The following TXNDC5 variants were observed in gnomAD, a reference collection of about 807,000 sequenced individuals.
TXNDC5 encodes the protein thioredoxin domain containing 5, also known as thioredoxin domain-containing protein 5.
A neutral mutation model predicts 52.6 loss-of-function variants in TXNDC5; 44 were observed. That is an observed-to-expected ratio of 0.84 (90% CI 0.66 to 1.08). The LOEUF is 1.08. Among genes scored for constraint, TXNDC5 ranks in the 50% least tolerant of loss-of-function variants. The pLI is 0.00. For synonymous variants in TXNDC5, 241 were observed against 234.4 expected (o/e 1.03, Z -0.26); for missense variants, 600 against 565.5 (o/e 1.06, Z -0.62).
At chr6:7,897,636 C>G (rs1279080143) in intron 3 of TXNDC5, among the ~76,000 whole-genome samples, 3 of 152,090 alleles carry the variant, frequency 2.0e-5, no homozygotes, top group Non-Finnish European at 2.9e-5. Context: ...ACAGAAAGTC[C>G]CTTGCAGAGC....
chr6:7,910,175 C>T, intron 1 of TXNDC5: 1 of 985,536 alleles, frequency 1.0e-6, no homozygotes, highest in South Asian at 4.6e-5. Flanking sequence ...CGTCAGCCGC[C>T]AGTGCCCGGC....
At chr6:7,894,899 C>T (rs934618467) in intron 4 of TXNDC5, 20 of 985,258 alleles carry the variant, frequency 2.0e-5, no homozygotes, top group African/African-American at 1.6e-4. Context: ...TTAGACTCGG[C>T]GTTTCTATAA....
At chr6:7,885,660 T>C (rs1180197955) in intron 8 of TXNDC5, among the ~76,000 whole-genome samples, 1 of 152,216 alleles carries the variant, frequency 6.6e-6, no homozygotes, top group Non-Finnish European at 1.5e-5. Context: ...AATATGGCCA[T>C]CATAATTTGC....
At chr6:7,884,805 G>C (rs950425405) in intron 8 of TXNDC5, among the ~76,000 whole-genome samples, 8 of 152,222 alleles carry the variant, frequency 5.3e-5, no homozygotes, top group African/African-American at 1.9e-4. Flanking sequence ...AAGCACAGGA[G>C]CAGAGGAACA....
chr6:7,892,554 T>C (rs1000328051), intron 4 of TXNDC5, among the ~76,000 whole-genome samples: 2 of 152,262 alleles, frequency 1.3e-5, no homozygotes, highest in Non-Finnish European at 2.9e-5. Context: ...AAATCTCATC[T>C]TGAATTCCCA....
At chr6:7,889,346 A>C in intron 6 of TXNDC5, 149 bp downstream of exon 6, 2 of 627,892 alleles carry the variant, frequency 3.2e-6, no homozygotes, top group South Asian at 4.8e-5. Flanking sequence ...AATTAAGAGA[A>C]AGACGTTTGT....
chr6:7,889,040 G>A, intron 6 of TXNDC5, 192 bp from the exon 7 acceptor site: 3 of 654,308 alleles, frequency 4.6e-6, no homozygotes, highest in Non-Finnish European at 7.2e-6. Flanking sequence ...TGAGAGAACT[G>A]TACAGGCCCC....
At chr6:7,904,750 A>G (rs951476496) in intron 1 of TXNDC5, 27 bp from the exon 2 acceptor site, 12 of 1,614,048 alleles carry the variant, frequency 7.4e-6, no homozygotes, top group African/African-American at 4.0e-5. Context: ...GTACAAGCAC[A>G]TTGAGTATCA....
intron 1 of TXNDC5, 47 bp downstream of exon 1, chr6:7,910,467 C>G (rs1760881291): frequency 1.5e-6 from 2 of 1,363,248 alleles, no homozygotes; most frequent in Non-Finnish European, 1.9e-6. Flanking sequence ...CCCCACGCCC[C>G]GCGAAGCGCC....
chr6:7,885,174 C>T (rs551634812), intron 8 of TXNDC5, among the ~76,000 whole-genome samples: 2 of 152,236 alleles, frequency 1.3e-5, no homozygotes, highest in African/African-American at 4.8e-5. Context: ...ACTTTTTACC[C>T]CTATGGTTAG....
At chr6:7,884,615 A>C in intron 8 of TXNDC5, 127 bp from the exon 9 acceptor site, 2 of 1,330,100 alleles carry the variant, frequency 1.5e-6, no homozygotes, top group Non-Finnish European at 2.0e-6. Context: ...AATTTGTAAA[A>C]TACCAAATTC....
chr6:7,887,696 A>G (rs1404531235), intron 7 of TXNDC5, among the ~76,000 whole-genome samples: 1 of 152,144 alleles, frequency 6.6e-6, no homozygotes, highest in Non-Finnish European at 1.5e-5. Flanking sequence ...CTCCCTGTCA[A>G]TATGGGATAC....
In TXNDC5 at chr6:7,891,541, C is replaced by G. The variant is rs148253644; in HGVS notation, c.732+80G>C. ...TAAATCAAGTTTGCGACTTTGCACA[C>G]GGAATGAATAATGGGCCACTCTGCT... is the stretch of plus-strand genomic sequence containing the variant. On this transcript the variant is annotated intron_variant, in intron 5 of 9. Transcript: ENST00000379757. 1,167 of 1,173,294 alleles carry G rather than the reference C, an allele frequency of 9.9e-4. 6 individuals are homozygous for G. The highest frequency in any genetic ancestry group is 6.3e-3 in the East Asian group (258 of 40,834). 72.7% of individuals were successfully genotyped at this position (1,173,294 alleles called of 1,614,324 possible). A position where few individuals can be genotyped will look rare whatever the true frequency, so the allele number is the denominator to read the frequency against.
At chr6:7,887,164 G>GT (rs1175369710) in intron 7 of TXNDC5, among the ~76,000 whole-genome samples, 1 of 152,060 alleles carries the variant, frequency 6.6e-6, no homozygotes, top group Non-Finnish European at 1.5e-5. Flanking sequence ...TAGGGACAGG[G>GT]TTGTAGGGGT....
chr6:7,899,528 GGAGA>G lies in TXNDC5; in HGVS notation c.519+44_519+47del, dbSNP rs758829790. ...CATATTACCCCAAAGATGTAGGCAG[GGAGA>G]GAGGGAGGGAGGGAGGGAGGGAGGG... is the stretch of plus-strand genomic sequence containing the variant. On this transcript the variant is annotated intron_variant, in intron 3 of 9. Transcript: ENST00000379757. 46 of 1,375,266 alleles carry G rather than the reference GGAGA, an allele frequency of 3.3e-5. No individual in the cohort carries two copies. The South Asian group carries it at 5.4e-4, about 16-fold the overall frequency. The allele number at this position is 1,375,266 out of a possible 1,614,324, so 85.2% of individuals were successfully genotyped here.
chr6:7,883,903 G>A (rs754448463), intron 9 of TXNDC5, among the ~76,000 whole-genome samples: 16 of 152,150 alleles, frequency 1.1e-4, no homozygotes, highest in African/African-American at 3.6e-4. Context: ...GCACAGGACC[G>A]ACTTGCTGGC....
intron 3 of TXNDC5, among the ~76,000 whole-genome samples, chr6:7,897,023 G>A (rs1045398745): frequency 1.3e-5 from 2 of 152,130 alleles, no homozygotes; most frequent in Non-Finnish European, 2.9e-5. Context: ...AGAAGGGGGG[G>A]TGGAAAGTCC....
intron 3 of TXNDC5, among the ~76,000 whole-genome samples, chr6:7,897,544 T>TA: frequency 6.6e-6 from 1 of 152,212 alleles, no homozygotes; most frequent in Non-Finnish European, 1.5e-5. Flanking sequence ...CTGGAGACAC[T>TA]AAAATATGGC....
chr6:7,896,945 CTTTT>C (rs1020300536), intron 3 of TXNDC5, among the ~76,000 whole-genome samples: 1 of 151,458 alleles, frequency 6.6e-6, no homozygotes, highest in Non-Finnish European at 1.5e-5. Context: ...TAAAAATGAT[CTTTT>C]TTTTTATTCT....
Sources: allele counts gnomAD v4.1 joint callset (sites outside exome capture counted in the v4.1 genomes callset), GRCh38; gene constraint gnomAD v4.1.1; transcripts MANE v1.5; gene names NCBI Gene and HGNC (gene_info 2026-07-23, HGNC 2026-07-21).